The following PTPN13 variants were observed in gnomAD, a reference collection of about 807,000 sequenced individuals.
PTPN13 encodes tyrosine-protein phosphatase non-receptor type 13.
Under a neutral mutation model 284.0 loss-of-function variants are expected in PTPN13, and 191 were observed. The ratio of observed to expected loss-of-function variants is 0.67; its 90% CI spans 0.60 to 0.76. The LOEUF is 0.76. Ranked by LOEUF, PTPN13 falls within the 30% of genes least tolerant of loss-of-function variation. PTPN13 has a pLI of 0.00. For synonymous variants in PTPN13, 986 were observed against 1,022.3 expected (o/e 0.96, Z 0.68); for missense variants, 2,797 against 2,939.9 (o/e 0.95, Z 1.12).
rs1400338936 is a variant in PTPN13 at position 86,785,308 on chromosome 4, G to T, written c.6196G>T (p.Asp2066Tyr). The T allele has an allele frequency of 6.2e-7, 1 of 1,610,406 alleles. No homozygotes were observed. Among genetic ancestry groups the T allele is most frequent in the South Asian group, 1.1e-5 (1 of 90,618 alleles). ...EVIQSLLDVV[D>Y]EEAQNLLNEN... ...TATCCAGTCTCTGCTGGATGTTGTG[G>T]ATGAGGAAGCCCAGAATCTTTTAAA... Residue 2066 changes from aspartate (D) to tyrosine (Y), a missense_variant, in exon 39 of 48, where the codon GAT becomes TAT. Asp to Tyr is a radical substitution (Grantham distance 160). Transcript: ENST00000411767.
In PTPN13 at chr4:86,810,300, A is replaced by G. The variant is rs555932789; in HGVS notation, c.7299+316A>G. ...AGTCTTTAGGCTTGTATAAGATAGTATTGTTATCACACTTTAAAGATAGAA... is the reference window on the plus strand; with the variant it reads ...AGTCTTTAGGCTTGTATAAGATAGTGTTGTTATCACACTTTAAAGATAGAA... On this transcript the variant is annotated intron_variant, in intron 46 of 47. Transcript: ENST00000411767. Among the ~76,000 whole-genome samples the G allele has an allele frequency of 1.1e-3, 166 of 152,214 alleles. 1 individual carries two copies. Among genetic ancestry groups the G allele is most frequent in the African/African-American group, 3.8e-3 (160 of 41,560 alleles).
chr4:86,694,579 CAAA>C (rs1000226646), intron 6 of PTPN13, among the ~76,000 whole-genome samples: 1 of 32,362 alleles, frequency 3.1e-5, no homozygotes, highest in Non-Finnish European at 6.4e-5. Context: ...ACTTCTGTCT[CAAA>C]AAAAAAAAAA....
At chr4:86,630,593 T>C (rs1407313322) in intron 1 of PTPN13, among the ~76,000 whole-genome samples, 1 of 152,114 alleles carries the variant, frequency 6.6e-6, no homozygotes, top group Non-Finnish European at 1.5e-5. Context: ...TGGGGTTGCC[T>C]TCTCAACTCA....
At chr4:86,766,409 G>T in intron 26 of PTPN13, 23 bp from the exon 27 acceptor site, 1 of 1,563,574 alleles carries the variant, frequency 6.4e-7, no homozygotes, top group Non-Finnish European at 8.7e-7. Context: ...TTTTATTTAT[G>T]ATTTGAACTG....
intron 24 of PTPN13, among the ~76,000 whole-genome samples, chr4:86,764,228 T>C: frequency 6.6e-6 from 1 of 152,186 alleles, no homozygotes; most frequent in East Asian, 1.9e-4. Context: ...ACCAGGATTA[T>C]ATAAAAGCCA....
At chr4:86,636,666 A>G (rs564146586) in intron 2 of PTPN13, among the ~76,000 whole-genome samples, 2,197 of 152,240 alleles carry the variant, frequency 0.014, 25 homozygotes, top group Non-Finnish European at 0.022. Context: ...TCTCTGGGAC[A>G]CATTCAAAGC....
chr4:86,747,533 T>C lies in PTPN13; in HGVS notation c.2650+2405T>C, dbSNP rs1051798844. 1.7e-3 allele frequency among the ~76,000 whole-genome samples: 252 copies of C among 151,642 alleles called. 3 individuals carry two copies. Among genetic ancestry groups the C allele is most frequent in the African/African-American group, 5.9e-3 (243 of 41,060 alleles). On this transcript the variant is annotated intron_variant, in intron 17 of 47. Transcript: ENST00000411767. ...CTATACTATGTAATAGCGGTAATAGTAGCAGCAGCAGCAGCGGCAGCAGCA... is the reference window on the plus strand; with the variant it reads ...CTATACTATGTAATAGCGGTAATAGCAGCAGCAGCAGCAGCGGCAGCAGCA...
rs1738865279 is a variant in PTPN13 at position 86,762,896 on chromosome 4, A to C, written c.3723A>C (p.Glu1241Asp). 2 of 1,613,960 alleles carry C rather than the reference A, an allele frequency of 1.2e-6. No individual in the cohort carries two copies. Among genetic ancestry groups the C allele is most frequent in the Admixed American group, 1.7e-5 (1 of 60,022 alleles). Residue 1241 changes from glutamate (E) to aspartate (D), a missense_variant, in exon 24 of 48, where the codon GAA becomes GAC. Glu to Asp is a conservative substitution (Grantham distance 45). Transcript: ENST00000411767. ...TTGGGCCATCTGGGGGCCTGCGGGA[A>C]GGAAGCCTGAGTTCTCAAGATTCCA... ...NSFGPSGGLR[E>D]GSLSSQDSRT...
Position 86,814,767 on chromosome 4 carries a change from C to T in PTPN13, c.*216C>T. 1 of 469,922 alleles carries T rather than the reference C, an allele frequency of 2.1e-6. No individual in the cohort carries two copies. Among genetic ancestry groups the T allele is most frequent in the Non-Finnish European group, 3.8e-6 (1 of 260,862 alleles). 29.1% of individuals were successfully genotyped at this position (469,922 alleles called of 1,614,324 possible). A position where few individuals can be genotyped will look rare whatever the true frequency, so the allele number is the denominator to read the frequency against. ...ATGATAATTATTTACAAAATTTTAA[C>T]ACTAACCAAACAATGCAGATCTTAG... is the stretch of plus-strand genomic sequence containing the variant. On this transcript the variant is annotated 3_prime_UTR_variant, in exon 48 of 48. Transcript: ENST00000411767.
intron 2 of PTPN13, among the ~76,000 whole-genome samples, chr4:86,663,868 G>GTT (rs2148861235): frequency 6.6e-6 from 1 of 152,136 alleles, no homozygotes; most frequent in East Asian, 1.9e-4. Context: ...TTACAGCTTT[G>GTT]TAAGCTGTAA....
chr4:86,744,494 G>A (rs909606373), intron 16 of PTPN13, among the ~76,000 whole-genome samples: 1 of 152,142 alleles, frequency 6.6e-6, no homozygotes, highest in Non-Finnish European at 1.5e-5. Context: ...GGCAAACGAT[G>A]TTAATTTATT....
chr4:86,693,400 G>T (rs1345593132), intron 5 of PTPN13, among the ~76,000 whole-genome samples, 187 bp from the exon 6 acceptor site: 2 of 152,092 alleles, frequency 1.3e-5, no homozygotes, highest in Non-Finnish European at 2.9e-5. Context: ...GAATTGGCCA[G>T]CACTGGTCTA....
At chr4:86,636,578 T>G (rs1415587814) in intron 2 of PTPN13, among the ~76,000 whole-genome samples, 1 of 152,158 alleles carries the variant, frequency 6.6e-6, no homozygotes, top group Non-Finnish European at 1.5e-5. Flanking sequence ...TAGCATCTTT[T>G]GAAAACTTGT....
At chr4:86,769,738 A>C (rs764417883) in intron 28 of PTPN13, 31 bp from the exon 29 acceptor site, 94 of 1,388,160 alleles carry the variant, frequency 6.8e-5, no homozygotes, top group Non-Finnish European at 6.4e-5. Context: ...TGTTAATAAT[A>C]TCTAAATTTT....
intron 10 of PTPN13, among the ~76,000 whole-genome samples, chr4:86,727,859 T>A (rs1474767880): frequency 6.7e-6 from 1 of 149,452 alleles, no homozygotes; most frequent in East Asian, 1.9e-4. Flanking sequence ...TTTGCTAGCT[T>A]TTGAATTTGT....
chr4:86,753,029 G>A lies in PTPN13; in HGVS notation c.3187G>A (p.Gly1063Arg), dbSNP rs1737566604. ...CACAGGAATGACTATGCATAGTTCT[G>A]GAAACTCTTCATCCCAAGTACCCTT... The part of the protein sequence containing the change: ...YVLGMTMHSS[G>R]NSSSQVPLKE... Residue 1063 changes from glycine to arginine, a missense_variant, in exon 20 of 48, where the codon GGA becomes AGA. Gly to Arg is a moderately radical substitution (Grantham distance 125, BLOSUM62 -2). Transcript: ENST00000411767. The A allele has an allele frequency of 1.9e-6, 3 of 1,608,026 alleles. No homozygotes were observed. The highest frequency in any genetic ancestry group is 2.6e-6 in the Non-Finnish European group (3 of 1,175,878).
chr4:86,607,572 G>A (rs1431639229), intron 1 of PTPN13, among the ~76,000 whole-genome samples: 3 of 151,866 alleles, frequency 2.0e-5, no homozygotes, highest in African/African-American at 7.2e-5. Context: ...GAGTGGTAGT[G>A]GAGTACACAC....
intron 17 of PTPN13, among the ~76,000 whole-genome samples, chr4:86,745,352 G>A (rs1442755149): frequency 6.6e-6 from 1 of 152,158 alleles, no homozygotes; most frequent in Admixed American, 6.5e-5. Flanking sequence ...TGTCCATTTT[G>A]TGCTTAGCAA....
intron 37 of PTPN13, among the ~76,000 whole-genome samples, chr4:86,782,553 C>A (rs1394857181): frequency 6.6e-6 from 1 of 151,984 alleles, no homozygotes; most frequent in East Asian, 1.9e-4. Context: ...GTGTAAAATT[C>A]TTTTGATTGT....
Sources: allele counts gnomAD v4.1 joint callset (sites outside exome capture counted in the v4.1 genomes callset), GRCh38; gene constraint gnomAD v4.1.1; transcripts MANE v1.5; gene names NCBI Gene and HGNC (gene_info 2026-07-23, HGNC 2026-07-21).